TTLL5: variants seen among roughly 807,000 people sequenced by gnomAD.
The protein encoded by TTLL5 is tubulin tyrosine ligase like 5.
In TTLL5, 132 loss-of-function variants were observed where a neutral mutation model predicts 168.4. That is an observed-to-expected ratio of 0.78 (90% CI 0.68 to 0.91). TTLL5 has a LOEUF of 0.91. Among genes scored for constraint, TTLL5 ranks in the 40% least tolerant of loss-of-function variants. The pLI, the probability that TTLL5 is intolerant of heterozygous loss-of-function variation, is 0.00. For missense variants in TTLL5, 1,545 were observed against 1,581.5 expected, an observed-to-expected ratio of 0.98 and a Z score of 0.39; for synonymous variants, 546 against 558.6, an observed-to-expected ratio of 0.98 and a Z score of 0.32.
At chr14:75,705,782 C>T (rs917860884) in intron 7 of TTLL5, among the ~76,000 whole-genome samples, 2 of 152,080 alleles carry the variant, frequency 1.3e-5, no homozygotes, top group Non-Finnish European at 2.9e-5. Flanking sequence ...TTATCACTAC[C>T]ACTTCCCTTT....
Position 75,906,433 on chromosome 14 carries a change from A to G in TTLL5, c.3823+4209A>G, listed in dbSNP as rs551963383. ...GACTGTGAATTGGAATTTGACAGGA[A>G]GTGGGGTGGCGTTATCTGGGGGAAC... On this transcript the variant is annotated intron_variant, in intron 31 of 31. Transcript: ENST00000298832. The G allele has an allele frequency of 1.4e-5, 10 of 729,420 alleles. No individual in the cohort carries two copies. In the East Asian group the frequency reaches 1.3e-3, roughly 96 times the overall value. 45.2% of individuals were successfully genotyped at this position (729,420 alleles called of 1,614,324 possible). A position where few individuals can be genotyped will look rare whatever the true frequency, so the allele number is the denominator to read the frequency against.
At chr14:75,668,635 G>A (rs1335759246) in intron 2 of TTLL5, among the ~76,000 whole-genome samples, 1 of 152,098 alleles carries the variant, frequency 6.6e-6, no homozygotes, top group Non-Finnish European at 1.5e-5. Context: ...TTATACTGGA[G>A]GAAAATATAT....
intron 27 of TTLL5, among the ~76,000 whole-genome samples, chr14:75,813,677 A>G (rs1261485820): frequency 6.6e-6 from 1 of 152,066 alleles, no homozygotes; most frequent in East Asian, 1.9e-4. Context: ...TGGATCTAAA[A>G]CGTAGCATAT....
intron 28 of TTLL5, among the ~76,000 whole-genome samples, chr14:75,844,218 T>A (rs1038399183): frequency 6.6e-6 from 1 of 152,154 alleles, no homozygotes. Flanking sequence ...TCTGAGTTAA[T>A]TTTTGTATGA....
Position 75,931,820 on chromosome 14 carries a change from A to G in TTLL5, c.3824-22604A>G, listed in dbSNP as rs142290947. 5.3e-4 allele frequency among the ~76,000 whole-genome samples: 81 copies of G among 152,278 alleles called. 1 individual carries two copies. Among genetic ancestry groups the G allele is most frequent in the African/African-American group, 1.9e-3 (77 of 41,556 alleles). ...CACAAGATGTTTCCTCTTCCTAGAAATCCCATCCCTTACTATCAACTCCTG... is the reference window on the plus strand; with the variant it reads ...CACAAGATGTTTCCTCTTCCTAGAAGTCCCATCCCTTACTATCAACTCCTG... On this transcript the variant is annotated intron_variant, in intron 31 of 31. Coordinates refer to ENST00000298832, the MANE Select transcript of TTLL5 (RefSeq NM_015072.5).
chr14:75,808,793 T>G (rs367703207), intron 27 of TTLL5, among the ~76,000 whole-genome samples: 1 of 152,090 alleles, frequency 6.6e-6, no homozygotes, highest in African/African-American at 2.4e-5. Flanking sequence ...TTTCTTATTT[T>G]TTAAAATTTT....
intron 30 of TTLL5, among the ~76,000 whole-genome samples, chr14:75,891,034 T>G (rs1442715380): frequency 6.6e-6 from 1 of 152,200 alleles, no homozygotes; most frequent in Admixed American, 6.5e-5. Flanking sequence ...TTCTGAAATC[T>G]TTGGAGGCTT....
At chr14:75,816,551 C>G (rs1329732946) in intron 27 of TTLL5, among the ~76,000 whole-genome samples, 2 of 152,304 alleles carry the variant, frequency 1.3e-5, no homozygotes, top group East Asian at 3.9e-4. Context: ...CTTTTATCTC[C>G]TCTCCTTTCC....
chr14:75,776,956 C>G (rs1247824304), intron 23 of TTLL5, 106 bp downstream of exon 23: 3 of 943,438 alleles, frequency 3.2e-6, no homozygotes, highest in Non-Finnish European at 4.8e-6. Context: ...TGAATGAAAT[C>G]ACTCTTAAAG....
At chr14:75,833,811 G>A (rs1276660601) in intron 28 of TTLL5, among the ~76,000 whole-genome samples, 21 of 152,178 alleles carry the variant, frequency 1.4e-4, no homozygotes, top group Admixed American at 1.4e-3. Flanking sequence ...TGCTTACCTA[G>A]TGATAAAGTA....
chr14:75,765,682 G>A (rs1473591058), intron 19 of TTLL5, among the ~76,000 whole-genome samples: 1 of 152,012 alleles, frequency 6.6e-6, no homozygotes, highest in Non-Finnish European at 1.5e-5. Flanking sequence ...AGGCAATCTG[G>A]CAAAATCCTG....
intron 3 of TTLL5, among the ~76,000 whole-genome samples, chr14:75,676,282 A>G (rs1884147102): frequency 6.6e-6 from 1 of 152,202 alleles, no homozygotes; most frequent in South Asian, 2.1e-4. Context: ...TGACACATAA[A>G]AATAACCATC....
intron 31 of TTLL5, among the ~76,000 whole-genome samples, chr14:75,927,791 T>G (rs1490351525): frequency 6.6e-6 from 1 of 152,196 alleles, no homozygotes; most frequent in Non-Finnish European, 1.5e-5. Context: ...TTCTGTTGCT[T>G]TCGTCAGCAC....
At chr14:75,926,083 G>A (rs555711775) in intron 31 of TTLL5, among the ~76,000 whole-genome samples, 26 of 148,452 alleles carry the variant, frequency 1.8e-4, no homozygotes, top group African/African-American at 5.5e-4. Context: ...GCCGTGGGCC[G>A]TGGGGAGAGG....
rs34160638 is a variant in TTLL5, at chr14:75,773,907, CATATAT to C, written c.2137-1561_2137-1556del. Among the ~76,000 whole-genome samples, 68 of 28,784 alleles carry C rather than the reference CATATAT, an allele frequency of 2.4e-3. 1 individual carries two copies. Among genetic ancestry groups the C allele is most frequent in the African/African-American group, 6.1e-3 (58 of 9,576 alleles). 18.9% of individuals were successfully genotyped at this position (28,784 alleles called of 152,430 possible). On this transcript the variant is annotated intron_variant, in intron 21 of 31. Transcript: ENST00000298832. ...ACCGTCTCAAAAAAAAAAAAAAATA[CATATAT>C]ATATATATATATATAGAGAGAGAGA...
chr14:75,670,744 T>C (rs190170541), intron 3 of TTLL5, among the ~76,000 whole-genome samples: 65 of 152,370 alleles, frequency 4.3e-4, no homozygotes, highest in Admixed American at 1.2e-3. Flanking sequence ...AAGTCCTTTG[T>C]ACATTTTAAA....
chr14:75,679,671 G>A (rs147592067), intron 3 of TTLL5, among the ~76,000 whole-genome samples: 31 of 152,242 alleles, frequency 2.0e-4, no homozygotes, highest in South Asian at 1.0e-3. Context: ...GCCCTTTTAA[G>A]CTCTTAGTGA....
At chr14:75,877,884 A>G (rs892310756) in intron 29 of TTLL5, among the ~76,000 whole-genome samples, 2 of 152,112 alleles carry the variant, frequency 1.3e-5, no homozygotes, top group African/African-American at 4.8e-5. Flanking sequence ...AACCATTTAT[A>G]TGTCTGCTTT....
chr14:75,773,957 A>AAG lies in TTLL5; in HGVS notation c.2137-1486_2137-1485dup, dbSNP rs1166420551. Among the ~76,000 whole-genome samples, 54 of 43,350 alleles carry AAG rather than the reference A, an allele frequency of 1.2e-3. 2 individuals are homozygous for AAG. The highest frequency in any genetic ancestry group is 2.2e-3 in the South Asian group (2 of 918). The allele number at this position is 43,350 out of a possible 152,430, so 28.4% of individuals were successfully genotyped here. A position where few individuals can be genotyped will look rare whatever the true frequency, so the allele number is the denominator to read the frequency against. ...AGAGAGAGAGAGAGAGAGAGAGAGA[A>AAG]AGAGAGAGAGAGAGAGAGAGAGAGA... On this transcript the variant is annotated intron_variant, in intron 21 of 31. Coordinates refer to ENST00000298832, the MANE Select transcript of TTLL5 (RefSeq NM_015072.5).
Sources: gnomAD v4.1 joint callset for allele counts (sites outside exome capture counted in the v4.1 genomes callset) on GRCh38, gnomAD v4.1.1 for gene constraint, MANE v1.5 for transcripts, NCBI Gene and HGNC (gene_info 2026-07-23, HGNC 2026-07-21) for gene names.